PPP1R1C: variants seen among roughly 807,000 people sequenced by gnomAD.
PPP1R1C encodes the protein protein phosphatase 1 regulatory subunit 1C.
A neutral mutation model predicts 17.4 loss-of-function variants in PPP1R1C; 15 were observed. The ratio of observed to expected loss-of-function variants is 0.86; its 90% CI spans 0.58 to 1.33. PPP1R1C has a LOEUF of 1.33. Ranked by LOEUF, PPP1R1C falls within the 40% of genes most tolerant of loss-of-function variation. PPP1R1C has a pLI of 0.00. For synonymous variants in PPP1R1C, 35 were observed against 43.1 expected, an observed-to-expected ratio of 0.81 and a Z score of 0.73; for missense variants, 143 against 130.0, an observed-to-expected ratio of 1.10 and a Z score of -0.48.
Position 181,962,082 on chromosome 2 carries a change from T to C in PPP1R1C, n.111+7448T>C, listed in dbSNP as rs1052680234. ...AAGATCTGAACCCTCAGGTCCTCGA[T>C]GGTCTTGAGGTAATGACTCCAGTCT... On this transcript the variant is annotated intron_variant and non_coding_transcript_variant, in intron 1 of 5. Transcript: ENST00000464264. This position sits in a 1 kb window ranked among gnomAD's most constrained non-coding sequence, Gnocchi z 6.0. The C allele has an allele frequency of 6.9e-6, 5 of 721,688 alleles. No homozygotes were observed. The African/African-American group carries it at 8.7e-5, about 13-fold the overall frequency. 44.7% of individuals were successfully genotyped at this position (721,688 alleles called of 1,614,324 possible).
intron 2 of PPP1R1C, among the ~76,000 whole-genome samples, chr2:181,999,456 CATAT>C (rs1445846265): frequency 4.6e-5 from 7 of 152,226 alleles, no homozygotes; most frequent in Admixed American, 2.6e-4. Flanking sequence ...CTGTAATGTA[CATAT>C]AGATTGTGTA....
At chr2:182,073,835 A>C (rs1436317104) in intron 4 of PPP1R1C, among the ~76,000 whole-genome samples, 3 of 152,156 alleles carry the variant, frequency 2.0e-5, no homozygotes, top group Non-Finnish European at 4.4e-5. Flanking sequence ...GGGGGCAGAA[A>C]CTGTGGAGGA....
intron 4 of PPP1R1C, chr2:182,103,859 A>G (rs1289942383): frequency 1.3e-5 from 2 of 152,232 alleles, no homozygotes; most frequent in African/African-American, 4.8e-5. Context: ...TATGGAGGGA[A>G]TCGAGCAGAT....
intron 2 of PPP1R1C, among the ~76,000 whole-genome samples, chr2:182,045,910 A>G (rs1687329287): frequency 6.6e-6 from 1 of 152,194 alleles, no homozygotes; most frequent in South Asian, 2.1e-4. Context: ...TGTCTTTATA[A>G]GAATACAATG....
chr2:182,115,236 T>A (rs1290630263), intron 4 of PPP1R1C, among the ~76,000 whole-genome samples: 2 of 152,174 alleles, frequency 1.3e-5, no homozygotes, highest in African/African-American at 4.8e-5. Flanking sequence ...GGTTAATTGG[T>A]ACTTCAAACC....
chr2:182,108,066 C>T (rs927860154), intron 4 of PPP1R1C, among the ~76,000 whole-genome samples: 5 of 152,092 alleles, frequency 3.3e-5, no homozygotes, highest in African/African-American at 9.6e-5. Flanking sequence ...CAAGTATCCT[C>T]TATTGTTTCC....
chr2:182,087,892 A>G (rs1688674918), intron 4 of PPP1R1C, among the ~76,000 whole-genome samples: 1 of 152,210 alleles, frequency 6.6e-6, no homozygotes, highest in South Asian at 2.1e-4. Flanking sequence ...GTAATGCATA[A>G]TAGTTAATGA....
At chr2:181,981,377 T>A (rs962874054), upstream of PPP1R1C, among the ~76,000 whole-genome samples, 1 of 152,232 alleles carries the variant, frequency 6.6e-6, no homozygotes, top group African/African-American at 2.4e-5. Flanking sequence ...TGCAATATAG[T>A]GAGCTTAGTC....
rs1156391137 is a variant in PPP1R1C at position 182,028,104 on chromosome 2, T to C, written c.143-33338T>C. ...GTGTCTATTTGATTCTTCTCTCTTT[T>C]TTTCTTTCTTAGTCTTGCTAGCGGT... On this transcript the variant is annotated intron_variant, in intron 2 of 4. Transcript: ENST00000682840. Among the ~76,000 whole-genome samples, 5 of 141,472 alleles carry C rather than the reference T, an allele frequency of 3.5e-5. No homozygotes were observed. In the Admixed American group the frequency reaches 3.7e-4, roughly 10 times the overall value. The allele number at this position is 141,472 out of a possible 152,430, so 92.8% of individuals were successfully genotyped here. A position where few individuals can be genotyped will look rare whatever the true frequency, so the allele number is the denominator to read the frequency against.
chr2:182,098,466 A>G (rs953267), intron 4 of PPP1R1C, among the ~76,000 whole-genome samples: 43,925 of 152,022 alleles, frequency 0.29, 7,919 homozygotes, highest in African/African-American at 0.52. Context: ...AAAGTTATTT[A>G]TGTAAAGAGT....
intron 2 of PPP1R1C, among the ~76,000 whole-genome samples, chr2:182,005,517 G>T (rs1005084979): frequency 2.6e-5 from 4 of 152,148 alleles, no homozygotes; most frequent in African/African-American, 9.7e-5. Flanking sequence ...AGGAAAGTGA[G>T]CATGTGTGAC....
At chr2:182,112,545 G>A (rs906181078) in intron 4 of PPP1R1C, among the ~76,000 whole-genome samples, 5 of 151,956 alleles carry the variant, frequency 3.3e-5, no homozygotes, top group African/African-American at 4.8e-5. Context: ...TTAGGTCCTC[G>A]GAACCCAGGT....
At chr2:182,048,891 G>C (rs953925033) in intron 2 of PPP1R1C, 3 of 152,282 alleles carry the variant, frequency 2.0e-5, no homozygotes, top group Non-Finnish European at 4.4e-5. Context: ...TGTTGAGCCT[G>C]GTGAGTAGTT....
chr2:182,005,294 C>T (rs1268206343), intron 2 of PPP1R1C, among the ~76,000 whole-genome samples: 1 of 152,192 alleles, frequency 6.6e-6, no homozygotes, highest in Non-Finnish European at 1.5e-5. Context: ...ATCTACTGAT[C>T]TGCTGAGCAG....
chr2:182,028,518 G>A lies in PPP1R1C; in HGVS notation c.143-32924G>A, dbSNP rs1376417163. Among the ~76,000 whole-genome samples, 27 of 152,182 alleles carry A rather than the reference G, an allele frequency of 1.8e-4. 3 individuals are homozygous for A. Among genetic ancestry groups the A allele is most frequent in the South Asian group, 4.1e-4 (2 of 4,820 alleles). ...TTCTTCAGTTTCCATGTAGTTGAGC[G>A]GTTTTGAGTGAGATTCTTAATCCTG... On this transcript the variant is annotated intron_variant, in intron 2 of 4. Coordinates refer to ENST00000682840, the MANE Select transcript of PPP1R1C (RefSeq NM_001080545.3).
chr2:182,006,566 A>T (rs1153729), intron 2 of PPP1R1C, among the ~76,000 whole-genome samples: 220 of 152,312 alleles, frequency 1.4e-3, no homozygotes, highest in African/African-American at 5.0e-3. Flanking sequence ...TTTTTAGCAA[A>T]ATCACATGGA....
At chr2:182,072,200 C>G (rs2125205553) in intron 4 of PPP1R1C, among the ~76,000 whole-genome samples, 1 of 152,274 alleles carries the variant, frequency 6.6e-6, no homozygotes, top group Non-Finnish European at 1.5e-5. Flanking sequence ...TTCCTCATTA[C>G]TAGAATAGGC....
chr2:181,974,942 G>A (rs1010385159), intron 1 of PPP1R1C, among the ~76,000 whole-genome samples: 1 of 152,124 alleles, frequency 6.6e-6, no homozygotes, highest in East Asian at 1.9e-4. Context: ...TCTCAATAAA[G>A]GCAGTACCCC....
rs139958302 is a variant in PPP1R1C at position 182,123,637 on chromosome 2, C to T, written c.*7-5337C>T. 6.3e-3 allele frequency among the ~76,000 whole-genome samples: 952 copies of T among 152,192 alleles called. 7 individuals carry two copies. The highest frequency in any genetic ancestry group is 0.021 in the African/African-American group (891 of 41,514). On this transcript the variant is annotated intron_variant, in intron 5 of 5. Transcript: ENST00000280295. Reference sequence around the variant, plus strand: ...AGCTTTTTATCATACGTTTGTTGACCGCATAAATGTCTTCTTTTGAAAAGT... The same window carrying T: ...AGCTTTTTATCATACGTTTGTTGACTGCATAAATGTCTTCTTTTGAAAAGT...
Sources: gnomAD v4.1 joint callset for allele counts (sites outside exome capture counted in the v4.1 genomes callset) on GRCh38, gnomAD v4.1.1 for gene constraint, Gnocchi (gnomAD v3.1) non-coding constraint, MANE v1.5 for transcripts, NCBI Gene and HGNC (gene_info 2026-07-23, HGNC 2026-07-21) for gene names.